PARD3: variants seen among roughly 807,000 people sequenced by gnomAD.
PARD3 encodes par-3 family cell polarity regulator.
Under a neutral mutation model 155.4 loss-of-function variants are expected in PARD3, and 75 were observed. That is an observed-to-expected ratio of 0.48 (90% confidence interval 0.40 to 0.58). The LOEUF is 0.58. Among genes scored for constraint, PARD3 ranks in the 20% least tolerant of loss-of-function variants. PARD3 has a pLI of 0.00. For missense variants in PARD3, 1,642 were observed against 1,721.7 expected, an observed-to-expected ratio of 0.95 and a Z score of 0.82; for synonymous variants, 576 against 610.5, an observed-to-expected ratio of 0.94 and a Z score of 0.83.
At chr10:34,321,034 CT>C (rs1485583812) in intron 19 of PARD3, among the ~76,000 whole-genome samples, 3 of 151,968 alleles carry the variant, frequency 2.0e-5, no homozygotes, top group Non-Finnish European at 4.4e-5. Context: ...AATCTTTATC[CT>C]GCTCCTATGC....
intron 2 of PARD3, among the ~76,000 whole-genome samples, chr10:34,681,070 G>T (rs2093808027): frequency 6.6e-6 from 1 of 151,752 alleles, no homozygotes; most frequent in South Asian, 2.1e-4. Context: ...AAAATTTAAG[G>T]ACAGCTGTAT....
chr10:34,391,916 G>C (rs1381888628), intron 7 of PARD3, among the ~76,000 whole-genome samples: 1 of 152,230 alleles, frequency 6.6e-6, no homozygotes, highest in Non-Finnish European at 1.5e-5. Context: ...AGCACTTCGG[G>C]AGGCCGAGGT....
At chr10:34,562,783 C>T (rs2085608008) in intron 2 of PARD3, among the ~76,000 whole-genome samples, 1 of 151,194 alleles carries the variant, frequency 6.6e-6, no homozygotes, top group Non-Finnish European at 1.5e-5. Context: ...ATTCTAAGTA[C>T]AGTGTCTCAC....
At chr10:34,741,185 T>TTTTTGTTTTG in intron 1 of PARD3, among the ~76,000 whole-genome samples, 1 of 137,650 alleles carries the variant, frequency 7.3e-6, no homozygotes, top group East Asian at 2.1e-4. Context: ...TTTTTTTTTT[T>TTTTTGTTTTG]TTTTTTTTTG....
intron 3 of PARD3, among the ~76,000 whole-genome samples, chr10:34,480,873 C>T (rs891819167): frequency 2.0e-5 from 3 of 147,440 alleles, no homozygotes; most frequent in South Asian, 2.1e-4. Context: ...GCGATATCGG[C>T]TCACTGCAAC....
chr10:34,303,196 A>T (rs1299292659), intron 20 of PARD3, among the ~76,000 whole-genome samples: 1 of 136,162 alleles, frequency 7.3e-6, no homozygotes, highest in East Asian at 2.2e-4. Flanking sequence ...CAAGGCAGGT[A>T]AAACTTTATG....
intron 22 of PARD3, among the ~76,000 whole-genome samples, chr10:34,186,947 G>A (rs1950517849): frequency 6.6e-6 from 1 of 152,048 alleles, no homozygotes; most frequent in South Asian, 2.1e-4. Flanking sequence ...TACTGAATTC[G>A]CTCCTCAAAA....
chr10:34,316,856 CAAAGAT>C (rs1359046900), intron 20 of PARD3, among the ~76,000 whole-genome samples: 1 of 152,124 alleles, frequency 6.6e-6, no homozygotes, highest in Non-Finnish European at 1.5e-5. Flanking sequence ...TGGTTGATCT[CAAAGAT>C]AATGTTTTCA....
chr10:34,297,698 A>C (rs1437882491), intron 20 of PARD3, among the ~76,000 whole-genome samples: 1 of 152,180 alleles, frequency 6.6e-6, no homozygotes, highest in East Asian at 1.9e-4. Context: ...AGCACAATAA[A>C]GTAAGGGTGG....
chr10:34,487,642 T>A (rs993653159), intron 3 of PARD3, among the ~76,000 whole-genome samples: 66 of 141,632 alleles, frequency 4.7e-4, no homozygotes, highest in South Asian at 1.3e-3. Context: ...AGGTTTTACT[T>A]TTTTTTTTTT....
chr10:34,411,127 T>TA (rs1845001623), intron 5 of PARD3, among the ~76,000 whole-genome samples: 2 of 152,164 alleles, frequency 1.3e-5, no homozygotes, highest in Non-Finnish European at 2.9e-5. Context: ...TCTCAGTTCT[T>TA]AGACAGCTGC....
rs184860876 is a variant in PARD3 at position 34,474,512 on chromosome 10, C to T, written c.404-4249G>A. On this transcript the variant is annotated intron_variant, in intron 3 of 24. Coordinates refer to ENST00000374788, the MANE Select transcript of PARD3 (RefSeq NM_001184785.2). The stretch of plus-strand genomic sequence containing the variant: ...TGGAGTTTTCACACACACATACACA[C>T]GCGTGCACAAAGTTTAGTAACAGTG... 5.6e-3 allele frequency among the ~76,000 whole-genome samples: 857 copies of T among 152,284 alleles called. 4 individuals are homozygous for T. The highest frequency in any genetic ancestry group is 8.8e-3 in the Non-Finnish European group (597 of 68,028).
intron 20 of PARD3, among the ~76,000 whole-genome samples, chr10:34,308,923 G>A (rs369555174): frequency 5.4e-4 from 82 of 152,242 alleles, no homozygotes; most frequent in South Asian, 1.5e-3. Context: ...CAGGGAGGAG[G>A]AGGGAAAGCT....
chr10:34,446,447 T>C (rs2076743435), intron 5 of PARD3, among the ~76,000 whole-genome samples: 1 of 152,156 alleles, frequency 6.6e-6, no homozygotes, highest in African/African-American at 2.4e-5. Context: ...AGGTCTACAA[T>C]TATCCCTATT....
chr10:34,585,001 T>C (rs2087873418), intron 2 of PARD3, among the ~76,000 whole-genome samples: 1 of 152,172 alleles, frequency 6.6e-6, no homozygotes, highest in Non-Finnish European at 1.5e-5. Flanking sequence ...TGCTTCATTC[T>C]CAGTAACACT....
rs150164926 is a variant in PARD3 at position 34,668,129 on chromosome 10, T to C, written c.222+28189A>G. 2.6e-5 allele frequency among the ~76,000 whole-genome samples: 4 copies of C among 152,192 alleles called. No homozygotes were observed. In the East Asian group the frequency reaches 7.7e-4, roughly 29 times the overall value. ...TTCGTAAATGCAAGAAAAAAACAGC[T>C]AAGCAACAAATAATTCCTCATCTGC... On this transcript the variant is annotated intron_variant, in intron 2 of 24. Transcript: ENST00000374788.
At chr10:34,657,988 T>C (rs986311098) in intron 2 of PARD3, among the ~76,000 whole-genome samples, 1 of 151,776 alleles carries the variant, frequency 6.6e-6, no homozygotes, top group Admixed American at 6.6e-5. Flanking sequence ...CTACTGAAAA[T>C]ACAAAAAATT....
intron 3 of PARD3, among the ~76,000 whole-genome samples, chr10:34,514,220 G>A (rs914063210): frequency 6.6e-6 from 1 of 152,124 alleles, no homozygotes; most frequent in African/African-American, 2.4e-5. Context: ...GAAAACACAG[G>A]AAAGTGACCA....
chr10:34,354,469 T>A (rs1223895912), intron 14 of PARD3, among the ~76,000 whole-genome samples: 1 of 151,766 alleles, frequency 6.6e-6, no homozygotes, highest in African/African-American at 2.4e-5. Flanking sequence ...CAGCAAAGGA[T>A]ACACAGGAAA....
Sources: gnomAD v4.1 joint callset for allele counts (sites outside exome capture counted in the v4.1 genomes callset) on GRCh38, gnomAD v4.1.1 for gene constraint, MANE v1.5 for transcripts, NCBI Gene and HGNC (gene_info 2026-07-23, HGNC 2026-07-21) for gene names.